Variants in PLA2G4A observed in about 807,000 individuals in gnomAD.
The protein encoded by PLA2G4A is cytosolic phospholipase A2.
Under a neutral mutation model 81.9 loss-of-function variants are expected in PLA2G4A, and 40 were observed. The observed-to-expected ratio is 0.49, with a 90% CI of 0.38 to 0.64. PLA2G4A has a LOEUF of 0.64. PLA2G4A is among the 30% of genes least tolerant of loss of function. The pLI, the probability that PLA2G4A is intolerant of heterozygous loss-of-function variation, is 0.00. For synonymous variants in PLA2G4A, 302 were observed against 296.9 expected, an observed-to-expected ratio of 1.02 and a Z score of -0.18; for missense variants, 715 against 905.1, an observed-to-expected ratio of 0.79 and a Z score of 2.69.
Position 186,936,803 on chromosome 1 carries a change from T to TC in PLA2G4A, c.696-2204dup, listed in dbSNP as rs11388924. The stretch of plus-strand genomic sequence containing the variant: ...GCATATAGATAAAAAGAATGAGGTG[T>TC]CTTATCATATAAATATGTTGAAAAA... On this transcript the variant is annotated intron_variant, in intron 8 of 17. Transcript: ENST00000367466. Among the ~76,000 whole-genome samples the TC allele has an allele frequency of 5.9e-3, 902 of 152,068 alleles. 7 individuals are homozygous for TC. The highest frequency in any genetic ancestry group is 0.02 in the African/African-American group (845 of 41,528).
rs58954006 is a variant in PLA2G4A at position 186,877,705 on chromosome 1, C to CAA, written c.115+7216_115+7217dup. Among the ~76,000 whole-genome samples, 21 of 86,922 alleles carry CAA rather than the reference C, an allele frequency of 2.4e-4. 2 individuals are homozygous for CAA. The highest frequency in any genetic ancestry group is 7.1e-4 in the African/African-American group (16 of 22,390). 57.0% of individuals were successfully genotyped at this position (86,922 alleles called of 152,430 possible). On this transcript the variant is annotated intron_variant, in intron 3 of 17. Transcript: ENST00000367466. Reference sequence around the variant, plus strand: ...AAGACTAAGGCCTGAGGCTTACTCACAAAAAAAAAAAAAAAAAAAAAAAAA... The same window carrying CAA: ...AAGACTAAGGCCTGAGGCTTACTCACAAAAAAAAAAAAAAAAAAAAAAAAAAA...
At chr1:186,977,032 T>C (rs1477436460) in intron 15 of PLA2G4A, among the ~76,000 whole-genome samples, 1 of 152,218 alleles carries the variant, frequency 6.6e-6, no homozygotes, top group Non-Finnish European at 1.5e-5. Flanking sequence ...AGTCCTCTCT[T>C]GGCCGTTACA....
intron 13 of PLA2G4A, 31 bp from the exon 14 acceptor site, chr1:186,956,071 G>A (rs1347627532): frequency 2.5e-6 from 4 of 1,602,978 alleles, no homozygotes; most frequent in African/African-American, 1.3e-5. Context: ...GTATTTTGGA[G>A]TCTGTATGGT....
chr1:186,905,108 G>T (rs980704567), intron 5 of PLA2G4A, among the ~76,000 whole-genome samples: 1 of 152,132 alleles, frequency 6.6e-6, no homozygotes, highest in Admixed American at 6.6e-5. Context: ...ACCTGCCTTG[G>T]TCTCCCAAAG....
rs543969370 is a variant in PLA2G4A, at chr1:186,985,577, T to C, written c.2119-2800T>C. ...GTTGTGATAACTCAATATTTGTTTG[T>C]AGATTGCTTATAATCTCACCTCTAC... is the stretch of plus-strand genomic sequence containing the variant. On this transcript the variant is annotated intron_variant, in intron 17 of 17. Transcript: ENST00000367466. 3.3e-5 allele frequency among the ~76,000 whole-genome samples: 5 copies of C among 152,338 alleles called. No homozygotes were observed. The South Asian group carries it at 1.0e-3, about 32-fold the overall frequency.
chr1:186,862,992 T>C (rs1194327856), intron 2 of PLA2G4A, among the ~76,000 whole-genome samples: 3 of 152,234 alleles, frequency 2.0e-5, no homozygotes, highest in African/African-American at 7.2e-5. Flanking sequence ...AGAATCTATA[T>C]TACACTTAAA....
chr1:186,958,170 A>G (rs953137556), intron 14 of PLA2G4A, among the ~76,000 whole-genome samples: 2 of 152,166 alleles, frequency 1.3e-5, no homozygotes, highest in Admixed American at 1.3e-4. Flanking sequence ...TGTTATGTTT[A>G]TGGCATCAAA....
chr1:186,861,331 A>G (rs1652789967), intron 2 of PLA2G4A, among the ~76,000 whole-genome samples: 1 of 152,206 alleles, frequency 6.6e-6, no homozygotes, highest in Non-Finnish European at 1.5e-5. Context: ...AAGGCTGTGC[A>G]GTCTCTCCAT....
At chr1:186,851,351 T>C (rs1652364213) in intron 1 of PLA2G4A, among the ~76,000 whole-genome samples, 1 of 151,792 alleles carries the variant, frequency 6.6e-6, no homozygotes, top group Admixed American at 6.6e-5. Flanking sequence ...GACCATCATA[T>C]GCATAGAACG....
chr1:186,882,184 T>C (rs527339447), intron 3 of PLA2G4A, among the ~76,000 whole-genome samples: 39 of 152,234 alleles, frequency 2.6e-4, no homozygotes, highest in African/African-American at 9.1e-4. Flanking sequence ...TTTTATTTTA[T>C]GCAGATGTAT....
chr1:186,914,817 G>T (rs1655082954), intron 7 of PLA2G4A, among the ~76,000 whole-genome samples: 1 of 152,000 alleles, frequency 6.6e-6, no homozygotes, highest in Non-Finnish European at 1.5e-5. Context: ...ACAATATGAG[G>T]GGTGGTCTCC....
chr1:186,964,126 C>A (rs1657050374), intron 14 of PLA2G4A, among the ~76,000 whole-genome samples: 1 of 152,184 alleles, frequency 6.6e-6, no homozygotes, highest in African/African-American at 2.4e-5. Context: ...TTATTCATAT[C>A]TGGTGTGACC....
chr1:186,843,701 G>C (rs945998438), intron 1 of PLA2G4A, among the ~76,000 whole-genome samples: 1 of 152,162 alleles, frequency 6.6e-6, no homozygotes, highest in African/African-American at 2.4e-5. Flanking sequence ...AGAGGTGTGG[G>C]TAAGGAAAGC....
intron 7 of PLA2G4A, among the ~76,000 whole-genome samples, chr1:186,920,251 C>G (rs189975037): frequency 6.6e-6 from 1 of 152,128 alleles, no homozygotes; most frequent in South Asian, 2.1e-4. Context: ...GATGGTGGCT[C>G]TCAGCTTGCT....
chr1:186,867,707 G>T (rs1386385065), intron 2 of PLA2G4A, among the ~76,000 whole-genome samples: 1 of 151,650 alleles, frequency 6.6e-6, no homozygotes, highest in Non-Finnish European at 1.5e-5. Context: ...TTATCTTATT[G>T]CATCAAATAG....
chr1:186,835,663 AT>A (rs1007317760), intron 1 of PLA2G4A, among the ~76,000 whole-genome samples: 6 of 152,202 alleles, frequency 3.9e-5, no homozygotes, highest in African/African-American at 9.6e-5. Flanking sequence ...ATGAACTTAG[AT>A]CTCAAAGAGA....
intron 14 of PLA2G4A, among the ~76,000 whole-genome samples, chr1:186,964,817 G>A (rs1209456724): frequency 6.6e-6 from 1 of 152,184 alleles, no homozygotes; most frequent in East Asian, 1.9e-4. Context: ...ATATCTGAAT[G>A]GTAGTAGCCA....
At chr1:186,980,182 G>A (rs1044640372) in intron 17 of PLA2G4A, among the ~76,000 whole-genome samples, 7 of 151,922 alleles carry the variant, frequency 4.6e-5, no homozygotes, top group African/African-American at 9.7e-5. Flanking sequence ...CTCGTTACCC[G>A]CCCGCCTCGG....
chr1:186,961,475 C>G (rs931493020), intron 14 of PLA2G4A, among the ~76,000 whole-genome samples: 1 of 143,052 alleles, frequency 7.0e-6, no homozygotes, highest in Non-Finnish European at 1.5e-5. Flanking sequence ...TATTATTTGT[C>G]TACAAAATAA....
Sources: gnomAD v4.1 joint callset for allele counts (sites outside exome capture counted in the v4.1 genomes callset) on GRCh38, gnomAD v4.1.1 for gene constraint, MANE v1.5 for transcripts, NCBI Gene and HGNC (gene_info 2026-07-23, HGNC 2026-07-21) for gene names.